The following GSE1 variants were observed in gnomAD, a reference collection of about 807,000 sequenced individuals.
GSE1 encodes the protein Gse1 coiled-coil protein, also known as genetic suppressor element 1.
A neutral mutation model predicts 112.6 loss-of-function variants in GSE1; 32 were observed. The ratio of observed to expected loss-of-function variants is 0.28; its 90% confidence interval spans 0.21 to 0.38. GSE1 has a LOEUF of 0.38. GSE1 is among the 10% of genes least tolerant of loss of function. The pLI is 1.00. For synonymous variants in GSE1, 1,115 were observed against 735.6 expected (o/e 1.52, Z -8.35); for missense variants, 2,348 against 1,699.2 (o/e 1.38, Z -6.71).
At chr16:85,298,392 G>C (rs1308660613) in intron 1 of GSE1, among the ~76,000 whole-genome samples, 1 of 152,154 alleles carries the variant, frequency 6.6e-6, no homozygotes, top group African/African-American at 2.4e-5. Context: ...ACCACTGTTT[G>C]CATAGCCCTG....
rs146675039 is a variant in GSE1, at chr16:85,319,177, T to G, written c.2284-38286T>G. ...TTAGGCAAATGCCCAGGCGGTAGAT[T>G]GAGGGTCTCAGAGCCAATGAAAACA... On this transcript the variant is annotated intron_variant, in intron 1 of 2. Transcript: ENST00000637419. Among the ~76,000 whole-genome samples the G allele has an allele frequency of 1.1e-3, 173 of 152,314 alleles. 2 individuals carry two copies. The East Asian group carries it at 0.027, about 24-fold the overall frequency.
chr16:85,555,997 A>G, exon 1 of GSE1: 2 of 984,368 alleles, frequency 2.0e-6, no homozygotes, highest in South Asian at 9.4e-5. Context: ...CAGAAAATAC[A>G]CACGCGGCGA....
At chr16:85,611,970 G>A (rs2048013092), upstream of GSE1, among the ~76,000 whole-genome samples, 2 of 152,084 alleles carry the variant, frequency 1.3e-5, no homozygotes, top group Admixed American at 6.5e-5. Flanking sequence ...TGGCACGAGG[G>A]GGCTGAAAGT....
chr16:85,182,737 A>G (rs2074615470), intron 1 of GSE1, among the ~76,000 whole-genome samples: 3 of 152,120 alleles, frequency 2.0e-5, no homozygotes, highest in African/African-American at 7.2e-5. Flanking sequence ...AGGCCAAGCC[A>G]ACAGGCGTGC....
chr16:85,590,596 A>AGCATGTGTGACATTGTGT lies in GSE1; in HGVS notation c.37+34244_37+34261dup, dbSNP rs1229840889. Among the ~76,000 whole-genome samples, 27 of 151,756 alleles carry AGCATGTGTGACATTGTGT rather than the reference A, an allele frequency of 1.8e-4. No individual in the cohort carries two copies. In the East Asian group the frequency reaches 4.9e-3, roughly 27 times the overall value. ...GAATGAGTATGAACATGTGTGATTG[A>AGCATGTGTGACATTGTGT]GCATGTGTGACATTGTGTGCATGTG... is the stretch of plus-strand genomic sequence containing the variant. On this transcript the variant is annotated intron_variant, in intron 1 of 2. Transcript: ENST00000635906.
At chr16:85,290,915 TG>T (rs535966883) in intron 1 of GSE1, among the ~76,000 whole-genome samples, 82 of 152,100 alleles carry the variant, frequency 5.4e-4, no homozygotes, top group African/African-American at 1.9e-3. Context: ...AGCAAGCAGT[TG>T]GGGAGTGTCT....
upstream of GSE1, among the ~76,000 whole-genome samples, chr16:85,612,632 C>G (rs952118352): frequency 1.4e-5 from 2 of 143,462 alleles, no homozygotes; most frequent in Non-Finnish European, 3.0e-5. Flanking sequence ...GGTGGGGTGC[C>G]TTATGGAATT....
chr16:85,660,531 C>T (rs936075056), intron 8 of GSE1, among the ~76,000 whole-genome samples: 13 of 152,218 alleles, frequency 8.5e-5, no homozygotes, highest in African/African-American at 2.4e-4. Context: ...CCCAGCTACT[C>T]GGGAGGCTGA....
At position 85,644,465 on chromosome 16, in the gene GSE1, A is replaced by G. The variant is rs2050692092; in HGVS notation, c.227-4087A>G. On this transcript the variant is annotated intron_variant, in intron 2 of 15. Transcript: ENST00000253458. ...AAGGAGTGGGTGGACAGAGGCACAC[A>G]GTGGACTGTCACTTAGCCGCGGGAA... Among the ~76,000 whole-genome samples, 2 of 152,168 alleles carry G rather than the reference A, an allele frequency of 1.3e-5. 1 individual carries two copies. Among genetic ancestry groups the G allele is most frequent in the South Asian group, 4.1e-4 (2 of 4,826 alleles).
chr16:85,671,086 C>A lies in GSE1; in HGVS notation c.3507C>A (p.Ser1169=), dbSNP rs377081576. 84 of 1,601,630 alleles carry A rather than the reference C, an allele frequency of 5.2e-5. No homozygotes were observed. Among genetic ancestry groups the A allele is most frequent in the Non-Finnish European group, 7.2e-5 (84 of 1,168,940 alleles). ...YSLSLTAEQL[S]HSVAELRSQK... ...TCAGCCTGACGGCAGAGCAGCTCTC[C>A]CACAGCGTGGCGGTGAGTTGGGAAG... Residue 1169 remains serine, a synonymous_variant, in exon 15 of 16, where the codon TCC becomes TCA. Transcript: ENST00000253458.
intron 1 of GSE1, among the ~76,000 whole-genome samples, chr16:85,177,617 G>A (rs1382206075): frequency 6.6e-6 from 1 of 152,168 alleles, no homozygotes; most frequent in Non-Finnish European, 1.5e-5. Context: ...CTGCCATCTC[G>A]TGCTGTGTTA....
At chr16:85,576,271 G>A (rs1187337710) in intron 1 of GSE1, among the ~76,000 whole-genome samples, 1 of 152,180 alleles carries the variant, frequency 6.6e-6, no homozygotes, top group Non-Finnish European at 1.5e-5. Flanking sequence ...GATTCCAGAG[G>A]GAAAGGCACA....
intron 1 of GSE1, among the ~76,000 whole-genome samples, chr16:85,252,160 A>G (rs1042526442): frequency 2.0e-5 from 3 of 150,636 alleles, no homozygotes; most frequent in Non-Finnish European, 2.9e-5. Flanking sequence ...GTAGATGCTC[A>G]GTAAACATCC....
chr16:85,296,131 G>A (rs2045359748), intron 1 of GSE1, among the ~76,000 whole-genome samples: 1 of 152,138 alleles, frequency 6.6e-6, no homozygotes, highest in African/African-American at 2.4e-5. Flanking sequence ...GGATGTGGGA[G>A]CGGAGAGGAG....
chr16:85,296,370 C>T (rs1465961727), intron 1 of GSE1, among the ~76,000 whole-genome samples: 4 of 152,198 alleles, frequency 2.6e-5, no homozygotes, highest in East Asian at 1.9e-4. Context: ...TTTGGGAGGC[C>T]GAGCTGGGTG....
At chr16:85,642,775 A>G (rs1317120087) in intron 2 of GSE1, among the ~76,000 whole-genome samples, 2 of 152,210 alleles carry the variant, frequency 1.3e-5, no homozygotes, top group Non-Finnish European at 2.9e-5. Context: ...GCCGTGCAGA[A>G]CAGCGGCTGG....
Position 85,663,098 on chromosome 16 carries a change from T to G in GSE1, c.2373+5T>G, listed in dbSNP as rs766028887. The stretch of plus-strand genomic sequence containing the variant: ...AAACTGGACACGTCCTCTGAGGTAC[T>G]GGGCTCTCCTCCCCACGGACATGCT... On this transcript the variant is annotated splice_donor_5th_base_variant and intron_variant, in intron 10 of 15. Coordinates refer to ENST00000253458, the MANE Select transcript of GSE1 (RefSeq NM_014615.5). 4.4e-6 allele frequency: 7 copies of G among 1,578,156 alleles called. No homozygotes were observed. The highest frequency in any genetic ancestry group is 5.2e-6 in the Non-Finnish European group (6 of 1,149,194).
rs761085264 is a variant in GSE1 at position 85,654,806 on chromosome 16, C to A, written c.612C>A (p.Pro204=). Residue 204 remains proline (P), a synonymous_variant, in exon 5 of 16, where the codon CCC becomes CCA. Coordinates refer to ENST00000253458, the MANE Select transcript of GSE1 (RefSeq NM_014615.5). Reference sequence around the variant, plus strand: ...TCCCCGCCTGCAGCCTCCAGCGGCCCGTGCACCACGTGGTGCCCCCCAGTA... The same window carrying A: ...TCCCCGCCTGCAGCCTCCAGCGGCCAGTGCACCACGTGGTGCCCCCCAGTA... ...SRFPPLNLQR[P]VHHVVPPSTV... 1.9e-6 allele frequency: 3 copies of A among 1,609,868 alleles called. No individual in the cohort carries two copies. The highest frequency in any genetic ancestry group is 1.7e-6 in the Non-Finnish European group (2 of 1,178,138).
chr16:85,373,726 G>A lies in GSE1; in HGVS notation c.2464+16083G>A, dbSNP rs994467479. ...GTGTGTGGCGGGTGGGTGGAGGGACGAAAGGGCGAATGAATGAGCGCTGGC... is the reference window on the plus strand; with the variant it reads ...GTGTGTGGCGGGTGGGTGGAGGGACAAAAGGGCGAATGAATGAGCGCTGGC... On this transcript the variant is annotated intron_variant, in intron 2 of 2. Transcript: ENST00000637419. The surrounding 1 kb of genome is among the most constrained non-coding windows in gnomAD (Gnocchi z 5.1). Among the ~76,000 whole-genome samples, 4 of 152,124 alleles carry A rather than the reference G, an allele frequency of 2.6e-5. No individual in the cohort carries two copies. Among genetic ancestry groups the A allele is most frequent in the Non-Finnish European group, 5.9e-5 (4 of 68,016 alleles).
Sources: gnomAD v4.1 joint callset for allele counts (sites outside exome capture counted in the v4.1 genomes callset) on GRCh38, gnomAD v4.1.1 for gene constraint, Gnocchi (gnomAD v3.1) non-coding constraint, MANE v1.5 for transcripts, NCBI Gene and HGNC (gene_info 2026-07-23, HGNC 2026-07-21) for gene names.